CACNA1E: variants seen among roughly 807,000 people sequenced by gnomAD.
CACNA1E encodes the protein voltage-dependent R-type calcium channel subunit alpha-1E.
CACNA1E carries 40 observed loss-of-function variants against 259.2 expected under a neutral mutation model. The ratio of observed to expected loss-of-function variants is 0.15; its 90% CI spans 0.12 to 0.20. The LOEUF (loss-of-function observed/expected upper bound fraction) is 0.20. CACNA1E is among the 10% of genes least tolerant of loss of function. CACNA1E has a pLI of 1.00. For synonymous variants in CACNA1E, 1,104 were observed against 1,138.5 expected, an observed-to-expected ratio of 0.97 and a Z score of 0.61; for missense variants, 1,874 against 3,040.1, an observed-to-expected ratio of 0.62 and a Z score of 9.02.
At chr1:181,710,841 A>G in intron 7 of CACNA1E, 113 bp from the exon 8 acceptor site, 1 of 742,912 alleles carries the variant, frequency 1.3e-6, no homozygotes, top group Non-Finnish European at 2.4e-6. Flanking sequence ...GAAAGGGTAC[A>G]TGGGCTTAAT....
intron 2 of CACNA1E, among the ~76,000 whole-genome samples, chr1:181,437,276 ATTC>A (rs1412857810): frequency 6.6e-6 from 1 of 151,914 alleles, no homozygotes; most frequent in East Asian, 1.9e-4. Context: ...TCTTGATCTC[ATTC>A]TTTCTTTTTT....
chr1:181,700,212 G>T (rs1652101197), intron 7 of CACNA1E, among the ~76,000 whole-genome samples: 1 of 152,154 alleles, frequency 6.6e-6, no homozygotes, highest in South Asian at 2.1e-4. Flanking sequence ...TCTCCTGGAA[G>T]GATAAGCTGA....
At chr1:181,446,559 C>G (rs1660800626) in intron 2 of CACNA1E, among the ~76,000 whole-genome samples, 1 of 152,218 alleles carries the variant, frequency 6.6e-6, no homozygotes, top group South Asian at 2.1e-4. Context: ...AAAAGATGAT[C>G]AAGTGCCATG....
rs762271356 is a variant in CACNA1E at position 181,798,292 on chromosome 1, G to C, written c.6400G>C (p.Gly2134Arg). Reference sequence around the variant, plus strand: ...ATGCCATGTCTCTCCTGCTATACAGGGCACAGGTTCCCTAAGTGAGAGCTC... The same window carrying C: ...ATGCCATGTCTCTCCTGCTATACAGCGCACAGGTTCCCTAAGTGAGAGCTC... ...EGRSQTPNRQ[G>R]TGSLSESSIP... Residue 2134 changes from glycine to arginine, a missense_variant and splice_region_variant, in exon 48 of 48, where the codon GGC becomes CGC. Physicochemically the swap from Gly to Arg is moderately radical, Grantham distance 125. Around this residue, in one of 14 missense-constraint regions of CACNA1E, gnomAD observed 542 missense variants for 587.2 expected, o/e 0.92. Transcript: ENST00000367573. The surrounding 1 kb of genome is among the most constrained non-coding windows in gnomAD (Gnocchi z 4.2). 2 of 1,588,632 alleles carry C rather than the reference G, an allele frequency of 1.3e-6. No homozygotes were observed. The highest frequency in any genetic ancestry group is 1.7e-6 in the Non-Finnish European group (2 of 1,168,956).
chr1:181,336,689 A>C (rs1651734303), intron 1 of CACNA1E, among the ~76,000 whole-genome samples: 2 of 152,072 alleles, frequency 1.3e-5, no homozygotes, highest in African/African-American at 2.4e-5. Flanking sequence ...TCATCTTCCC[A>C]AACTAGACTG....
chr1:181,477,551 C>T (rs1322677029), intron 2 of CACNA1E, among the ~76,000 whole-genome samples: 9 of 152,146 alleles, frequency 5.9e-5, no homozygotes, highest in Non-Finnish European at 1.5e-5. Flanking sequence ...GTATCATGGC[C>T]TTTGGGTCTC....
chr1:181,716,202 C>A (rs1653876504), intron 10 of CACNA1E, 73 bp downstream of exon 10: 3 of 972,152 alleles, frequency 3.1e-6, no homozygotes, highest in African/African-American at 1.6e-5. Flanking sequence ...TTTTGAGAAG[C>A]ACCACAAGGA....
At chr1:181,414,030 A>G (rs1468836221) in intron 2 of CACNA1E, among the ~76,000 whole-genome samples, 1 of 152,216 alleles carries the variant, frequency 6.6e-6, no homozygotes, top group African/African-American at 2.4e-5. Context: ...GCACATCTCC[A>G]GTGGATGGAG....
rs780757467 is a variant in CACNA1E at position 181,737,610 on chromosome 1, C to T, written c.3508C>T (p.Leu1170=). 1 of 1,613,954 alleles carries T rather than the reference C, an allele frequency of 6.2e-7. No individual in the cohort carries two copies. Among genetic ancestry groups the T allele is most frequent in the Non-Finnish European group, 8.5e-7 (1 of 1,179,908 alleles). Residue 1170 remains leucine (L), a synonymous_variant, in exon 23 of 48, where the codon CTG becomes TTG. Coordinates refer to ENST00000367573, the MANE Select transcript of CACNA1E (RefSeq NM_001205293.3). ...GGTGATTGCAGCCAGCAGCATCGCC[C>T]TGGCGGCAGAGGACCCCGTCCTGAC... is the stretch of plus-strand genomic sequence containing the variant. ...LLVIAASSIA[L]AAEDPVLTNS...
intron 3 of CACNA1E, among the ~76,000 whole-genome samples, chr1:181,562,830 C>T (rs1649456493): frequency 6.6e-6 from 1 of 152,164 alleles, no homozygotes; most frequent in Non-Finnish European, 1.5e-5. Context: ...ATTCCTCTAA[C>T]AACTCAGCAT....
intron 6 of CACNA1E, among the ~76,000 whole-genome samples, chr1:181,642,017 C>T (rs990035124): frequency 6.6e-6 from 1 of 151,876 alleles, no homozygotes; most frequent in Non-Finnish European, 1.5e-5. Context: ...TGGCCTGGGG[C>T]AACACTAATT....
chr1:181,406,878 G>A (rs1657502335), intron 1 of CACNA1E, among the ~76,000 whole-genome samples: 1 of 152,104 alleles, frequency 6.6e-6, no homozygotes, highest in Non-Finnish European at 1.5e-5. Context: ...CAGATACTAT[G>A]TTGATTCTTA....
chr1:181,703,342 T>A (rs966514191), intron 7 of CACNA1E, among the ~76,000 whole-genome samples: 1 of 152,234 alleles, frequency 6.6e-6, no homozygotes, highest in Non-Finnish European at 1.5e-5. Context: ...TCATTATTCC[T>A]AATTTTATGA....
chr1:181,581,117 A>G (rs139827989), intron 6 of CACNA1E, among the ~76,000 whole-genome samples: 3 of 152,282 alleles, frequency 2.0e-5, no homozygotes, highest in African/African-American at 7.2e-5. Context: ...AATGTATGAT[A>G]CTGGCTGCCC....
Position 181,607,468 on chromosome 1 carries a change from C to T in CACNA1E, c.951+26692C>T, listed in dbSNP as rs577388315. On this transcript the variant is annotated intron_variant, in intron 6 of 47. Coordinates refer to ENST00000367573, the MANE Select transcript of CACNA1E (RefSeq NM_001205293.3). ...GTCTAGGTGGATGCACCTTCCTCCCCTTCCCACTGGTCTGTATCCTTGCGA... is the reference window on the plus strand; with the variant it reads ...GTCTAGGTGGATGCACCTTCCTCCCTTTCCCACTGGTCTGTATCCTTGCGA... Among the ~76,000 whole-genome samples, 63 of 152,184 alleles carry T rather than the reference C, an allele frequency of 4.1e-4. 1 individual carries two copies. Among genetic ancestry groups the T allele is most frequent in the Non-Finnish European group, 3.8e-4 (26 of 68,042 alleles).
At chr1:181,469,996 T>C (rs1662388033) in intron 2 of CACNA1E, among the ~76,000 whole-genome samples, 1 of 151,714 alleles carries the variant, frequency 6.6e-6, no homozygotes, top group African/African-American at 2.4e-5. Flanking sequence ...GGCTTTCCAG[T>C]GAGTCATCCC....
intron 7 of CACNA1E, among the ~76,000 whole-genome samples, chr1:181,710,413 G>T (rs916598234): frequency 1.3e-5 from 2 of 152,118 alleles, no homozygotes; most frequent in Admixed American, 1.3e-4. Flanking sequence ...ATCCCAGCAA[G>T]GCATTTCACC....
At chr1:181,705,978 A>G (rs929746753) in intron 7 of CACNA1E, among the ~76,000 whole-genome samples, 1 of 151,880 alleles carries the variant, frequency 6.6e-6, no homozygotes, top group Non-Finnish European at 1.5e-5. Flanking sequence ...CTTGTTTGGA[A>G]TTCTGAAATC....
At chr1:181,791,925 G>C (rs1221278498) in intron 44 of CACNA1E, among the ~76,000 whole-genome samples, 1 of 152,196 alleles carries the variant, frequency 6.6e-6, no homozygotes, top group Non-Finnish European at 1.5e-5. Context: ...ACAAATGCGT[G>C]CTTCTATCTC....
Sources: gnomAD v4.1 joint callset for allele counts (sites outside exome capture counted in the v4.1 genomes callset) on GRCh38, gnomAD v4.1.1 for gene constraint, gnomAD v4.1.1 regional missense constraint, Gnocchi (gnomAD v3.1) non-coding constraint, MANE v1.5 for transcripts, NCBI Gene and HGNC (gene_info 2026-07-23, HGNC 2026-07-21) for gene names.